MROH9: variants seen among roughly 807,000 people sequenced by gnomAD.
MROH9 encodes maestro heat-like repeat-containing protein family member 9.
MROH9 carries 92 observed loss-of-function variants against 98.2 expected under a neutral mutation model. The ratio of observed to expected loss-of-function variants is 0.94; its 90% CI spans 0.79 to 1.11. The LOEUF is 1.11. Among genes scored for constraint, MROH9 ranks in the 50% most tolerant of loss-of-function variants. The pLI is 0.00. For missense variants in MROH9, 1,057 were observed against 1,014.8 expected, an observed-to-expected ratio of 1.04 and a Z score of -0.57; for synonymous variants, 397 against 368.9, an observed-to-expected ratio of 1.08 and a Z score of -0.87.
chr1:171,050,481 T>C (rs1462007317), intron 20 of MROH9, among the ~76,000 whole-genome samples: 3 of 152,218 alleles, frequency 2.0e-5, no homozygotes, highest in Non-Finnish European at 4.4e-5. Flanking sequence ...CTTGGCTTTA[T>C]CCTTGTTGGT....
Position 170,983,457 on chromosome 1 carries a change from C to A in MROH9, c.652C>A (p.His218Asn), listed in dbSNP as rs779204268. The A allele has an allele frequency of 6.2e-7, 1 of 1,613,132 alleles. No individual in the cohort carries two copies. Among genetic ancestry groups the A allele is most frequent in the Admixed American group, 1.7e-5 (1 of 59,944 alleles). ...AAATAAGCCTACAAACGGTAAAAGTCATAGCCTCCAGTTTCCTTCTTCTGA... is the reference window on the plus strand; with the variant it reads ...AAATAAGCCTACAAACGGTAAAAGTAATAGCCTCCAGTTTCCTTCTTCTGA... ...GTNKPTNGKS[H>N]SLQFPSSDVE... is the part of the protein sequence containing the mutation. The change falls in exon 9 of 22, where the codon CAT becomes AAT. Residue 218 changes from histidine (H) to asparagine (N), a missense_variant. By Grantham distance (68) the His-to-Asn change is moderately conservative. Coordinates refer to ENST00000367759, the MANE Select transcript of MROH9 (RefSeq NM_001163629.2).
chr1:171,035,720 A>G (rs879474801), intron 20 of MROH9, among the ~76,000 whole-genome samples: 1 of 152,226 alleles, frequency 6.6e-6, no homozygotes, highest in Admixed American at 6.5e-5. Flanking sequence ...AAACCATAAG[A>G]TACCATTATA....
intron 1 of MROH9, among the ~76,000 whole-genome samples, chr1:170,939,511 C>A (rs1557865404): frequency 6.6e-6 from 1 of 152,222 alleles, no homozygotes; most frequent in Admixed American, 6.5e-5. Context: ...GTCAATTGAT[C>A]ATAGGGAACT....
intron 3 of MROH9, among the ~76,000 whole-genome samples, chr1:170,953,596 A>G (rs1244855402): frequency 6.6e-6 from 1 of 152,026 alleles, no homozygotes; most frequent in Non-Finnish European, 1.5e-5. Context: ...GCATTGGCCC[A>G]CACAGTTTCT....
intron 15 of MROH9, among the ~76,000 whole-genome samples, chr1:171,006,119 T>G (rs1218609293): frequency 6.6e-6 from 1 of 152,234 alleles, no homozygotes; most frequent in Non-Finnish European, 1.5e-5. Context: ...GGTCTCATGG[T>G]TGTAAACTCC....
At chr1:170,959,916 C>T (rs1333966146) in intron 5 of MROH9, among the ~76,000 whole-genome samples, 1 of 152,136 alleles carries the variant, frequency 6.6e-6, no homozygotes, top group Non-Finnish European at 1.5e-5. Flanking sequence ...AGAAAGAATC[C>T]TATAGTAAAA....
chr1:170,961,886 T>C lies in MROH9; in HGVS notation c.289-4T>C. The C allele has an allele frequency of 7.0e-7, 1 of 1,428,992 alleles. No homozygotes were observed. The highest frequency in any genetic ancestry group is 1.4e-5 in the South Asian group (1 of 73,558). The allele number at this position is 1,428,992 out of a possible 1,614,324, so 88.5% of individuals were successfully genotyped here. On this transcript the variant is annotated splice_region_variant and splice_polypyrimidine_tract_variant and intron_variant, in intron 5 of 21. Coordinates refer to ENST00000367759, the MANE Select transcript of MROH9 (RefSeq NM_001163629.2). ...GCTGACTGTGCAATGTTTTTGTGTT[T>C]CAGAATTTATACCACAATATTTTAA...
intron 20 of MROH9, among the ~76,000 whole-genome samples, chr1:171,037,775 C>T (rs115356170): frequency 3.3e-5 from 5 of 151,936 alleles, no homozygotes; most frequent in African/African-American, 1.2e-4. Flanking sequence ...CCAGAAATAA[C>T]CCCCTAAACA....
At chr1:170,965,000 A>G in intron 6 of MROH9, 151 bp from the exon 7 acceptor site, 1 of 562,616 alleles carries the variant, frequency 1.8e-6, no homozygotes. Flanking sequence ...CTAGATGCTT[A>G]TTGTCTGTGT....
chr1:170,981,743 T>TA (rs199565527), intron 8 of MROH9, among the ~76,000 whole-genome samples: 44,863 of 126,284 alleles, frequency 0.36, 6,859 homozygotes, highest in Middle Eastern at 0.47. Context: ...TTAGAAGAAA[T>TA]AAAAAAAAAA....
chr1:170,952,135 C>T (rs901186191), intron 3 of MROH9, among the ~76,000 whole-genome samples: 1 of 151,914 alleles, frequency 6.6e-6, no homozygotes, highest in East Asian at 1.9e-4. Flanking sequence ...AATAGGAACA[C>T]TTTTACACTG....
chr1:170,986,629 T>C lies in MROH9; in HGVS notation c.798T>C (p.Ser266=), dbSNP rs552947725. ...TGCAGAGTCTCCTGATGAAACTCTCTTCACCTGATGATAAAATCGCATCTG... is the reference window on the plus strand; with the variant it reads ...TGCAGAGTCTCCTGATGAAACTCTCCTCACCTGATGATAAAATCGCATCTG... ...DFVQSLLMKL[S]SPDDKIASDA... The change falls in exon 10 of 22, where the codon TCT becomes TCC. Residue 266 remains serine (S), a synonymous_variant. Coordinates refer to ENST00000367759, the MANE Select transcript of MROH9 (RefSeq NM_001163629.2). 2 of 1,613,900 alleles carry C rather than the reference T, an allele frequency of 1.2e-6. No homozygotes were observed. Among genetic ancestry groups the C allele is most frequent in the South Asian group, 2.2e-5 (2 of 91,070 alleles).
intron 20 of MROH9, among the ~76,000 whole-genome samples, chr1:171,052,042 T>C (rs552686835): frequency 2.0e-5 from 3 of 152,282 alleles, no homozygotes; most frequent in South Asian, 2.1e-4. Context: ...ACCTTTTTTT[T>C]TTTATTAATT....
intron 20 of MROH9, among the ~76,000 whole-genome samples, chr1:171,056,665 C>T (rs562939288): frequency 6.6e-6 from 1 of 152,270 alleles, no homozygotes; most frequent in East Asian, 1.9e-4. Flanking sequence ...TTCCCCATGC[C>T]ACCCAACTGG....
intron 15 of MROH9, among the ~76,000 whole-genome samples, chr1:171,011,202 G>C (rs1571500570): frequency 6.6e-6 from 1 of 152,168 alleles, no homozygotes; most frequent in Non-Finnish European, 1.5e-5. Context: ...AATGCTAGAA[G>C]TGGCAAATCA....
rs531512672 is a variant in MROH9, at chr1:171,059,234, T to G, written c.2282-2898T>G. ...CAAAGTAACAAAAGTGGGCAAAGGA[T>G]ATGAACAGACACTTCTCAAAAGAAG... On this transcript the variant is annotated intron_variant, in intron 20 of 21. Coordinates refer to ENST00000367759, the MANE Select transcript of MROH9 (RefSeq NM_001163629.2). Among the ~76,000 whole-genome samples the G allele has an allele frequency of 2.6e-5, 4 of 152,204 alleles. No individual in the cohort carries two copies. In the South Asian group the frequency reaches 6.2e-4, roughly 24 times the overall value.
chr1:170,935,982 C>CAAAAAAAAA (rs59883013), intron 1 of MROH9, among the ~76,000 whole-genome samples: 289 of 62,288 alleles, frequency 4.6e-3, no homozygotes, highest in Non-Finnish European at 6.1e-3. Context: ...CAGAGTGAGA[C>CAAAAAAAAA]AAAAAAAAAA....
intron 15 of MROH9, among the ~76,000 whole-genome samples, chr1:171,003,646 G>A (rs1651856207): frequency 1.3e-5 from 2 of 152,184 alleles, no homozygotes; most frequent in African/African-American, 2.4e-5. Context: ...AGTGGAGGTG[G>A]TGGAGGGTGC....
At chr1:171,016,060 C>T (rs924405739) in intron 16 of MROH9, 103 bp from the exon 17 acceptor site, 44 of 722,726 alleles carry the variant, frequency 6.1e-5, no homozygotes, top group East Asian at 3.1e-4. Context: ...AGTCGGCTTC[C>T]GCACACCATG....
Sources: allele counts gnomAD v4.1 joint callset (sites outside exome capture counted in the v4.1 genomes callset), GRCh38; gene constraint gnomAD v4.1.1; transcripts MANE v1.5; gene names NCBI Gene and HGNC (gene_info 2026-07-23, HGNC 2026-07-21).